The following DAGLA variants were observed in gnomAD, a reference collection of about 807,000 sequenced individuals.
The protein encoded by DAGLA is diacylglycerol lipase-alpha.
A neutral mutation model predicts 102.6 loss-of-function variants in DAGLA; 22 were observed. The ratio of observed to expected loss-of-function variants is 0.21; its 90% confidence interval spans 0.15 to 0.31. The LOEUF is 0.31. Among genes scored for constraint, DAGLA ranks in the 10% least tolerant of loss-of-function variants. The pLI is 1.00. For synonymous variants in DAGLA, 578 were observed against 628.9 expected (o/e 0.92, Z 1.21); for missense variants, 927 against 1,446.6 (o/e 0.64, Z 5.83).
At chr11:61,696,956 C>T (rs924937816) in intron 1 of DAGLA, among the ~76,000 whole-genome samples, 3 of 151,988 alleles carry the variant, frequency 2.0e-5, no homozygotes, top group East Asian at 3.9e-4. Flanking sequence ...ACCTTCCTAT[C>T]GCCAAGGGGA....
intron 15 of DAGLA, 128 bp downstream of exon 15, chr11:61,737,883 C>T (rs963620807): frequency 8.0e-6 from 7 of 873,210 alleles, no homozygotes; most frequent in Admixed American, 6.2e-5. Context: ...CCACGCCCCT[C>T]CCCACCCTTA....
chr11:61,712,343 A>T (rs1158280580), intron 1 of DAGLA, among the ~76,000 whole-genome samples: 1 of 152,196 alleles, frequency 6.6e-6, no homozygotes, highest in Non-Finnish European at 1.5e-5. Flanking sequence ...TGTGGCTGGC[A>T]CATGGTGAGG....
Position 61,684,602 on chromosome 11 carries a change from G to A in DAGLA, c.-45+4098G>A, listed in dbSNP as rs2064971482. 6.6e-6 allele frequency among the ~76,000 whole-genome samples: 1 copy of A among 152,112 alleles called. No individual in the cohort carries two copies. Among genetic ancestry groups the A allele is most frequent in the African/African-American group, 2.4e-5 (1 of 41,402 alleles). ...GGGATTGGTGTGACCACGGGTAAGGGTGTTTTCATGGGGTGTTTGGCAGGA... is the reference window on the plus strand; with the variant it reads ...GGGATTGGTGTGACCACGGGTAAGGATGTTTTCATGGGGTGTTTGGCAGGA... On this transcript the variant is annotated intron_variant, in intron 1 of 19. Transcript: ENST00000257215. This position sits in a 1 kb window ranked among gnomAD's most constrained non-coding sequence, Gnocchi z 4.5.
chr11:61,726,754 C>T (rs2065330564), intron 6 of DAGLA, among the ~76,000 whole-genome samples: 1 of 152,238 alleles, frequency 6.6e-6, no homozygotes, highest in Non-Finnish European at 1.5e-5. Context: ...CCAGTGAGGT[C>T]AGGAGACCAC....
intron 1 of DAGLA, among the ~76,000 whole-genome samples, chr11:61,718,326 T>A (rs532393997): frequency 1.3e-5 from 2 of 152,188 alleles, no homozygotes; most frequent in Non-Finnish European, 1.5e-5. Context: ...TTCATTCTGT[T>A]CCATTCATGT....
At chr11:61,695,479 C>T (rs775894459) in intron 1 of DAGLA, among the ~76,000 whole-genome samples, 1 of 152,204 alleles carries the variant, frequency 6.6e-6, no homozygotes, top group Non-Finnish European at 1.5e-5. Context: ...CACTTCCCAG[C>T]GGGGAGGAGC....
At chr11:61,691,957 A>C (rs931504928) in intron 1 of DAGLA, among the ~76,000 whole-genome samples, 2 of 152,176 alleles carry the variant, frequency 1.3e-5, no homozygotes, top group African/African-American at 4.8e-5. Context: ...TGCTTCTTTG[A>C]TGGGCACACA....
intron 1 of DAGLA, among the ~76,000 whole-genome samples, chr11:61,703,174 A>G (rs369849355): frequency 1.3e-5 from 2 of 152,144 alleles, no homozygotes; most frequent in African/African-American, 4.8e-5. Flanking sequence ...AGCTCCCCCA[A>G]CCTGCCAAAC....
intron 1 of DAGLA, among the ~76,000 whole-genome samples, chr11:61,712,290 C>T (rs550696918): frequency 3.3e-5 from 5 of 152,198 alleles, no homozygotes; most frequent in Non-Finnish European, 7.3e-5. Context: ...CCATGACATG[C>T]GAACAGCTAG....
intron 1 of DAGLA, among the ~76,000 whole-genome samples, chr11:61,696,329 G>T (rs954756578): frequency 6.6e-6 from 1 of 152,142 alleles, no homozygotes; most frequent in African/African-American, 2.4e-5. Flanking sequence ...GCGGGAGAGT[G>T]GGGGTGGAGG....
intron 8 of DAGLA, 125 bp downstream of exon 8, chr11:61,729,133 C>A: frequency 1.2e-6 from 1 of 806,514 alleles, no homozygotes. Context: ...CCGGTCTCCC[C>A]CCGGCTCTCC....
chr11:61,703,426 C>T (rs1415424265), intron 1 of DAGLA, among the ~76,000 whole-genome samples: 2 of 145,824 alleles, frequency 1.4e-5, no homozygotes, highest in African/African-American at 5.2e-5. Flanking sequence ...GAGCCAGCCA[C>T]GCAAAGCTCT....
intron 1 of DAGLA, among the ~76,000 whole-genome samples, chr11:61,705,180 G>A (rs1044085069): frequency 1.3e-5 from 2 of 152,180 alleles, no homozygotes; most frequent in Non-Finnish European, 1.5e-5. Context: ...CCCTCTGCCC[G>A]CCCAATTGCA....
rs988549025 is a variant in DAGLA at position 61,692,838 on chromosome 11, G to A, written c.-45+12334G>A. ...CTCCACAATAATGAGGAAAGATGGC[G>A]GTAGGAAAATGTTTAAGGAGAAGTG... On this transcript the variant is annotated intron_variant, in intron 1 of 19. Coordinates refer to ENST00000257215, the MANE Select transcript of DAGLA (RefSeq NM_006133.3). Among the ~76,000 whole-genome samples the A allele has an allele frequency of 1.1e-4, 16 of 151,662 alleles. 1 individual carries two copies. The highest frequency in any genetic ancestry group is 3.3e-4 in the Admixed American group (5 of 15,230).
rs539380752 is a variant in DAGLA, at chr11:61,734,638, G to A, written c.975-211G>A. Among the ~76,000 whole-genome samples, 2 of 152,304 alleles carry A rather than the reference G, an allele frequency of 1.3e-5. No individual in the cohort carries two copies. The highest frequency in any genetic ancestry group is 4.1e-4 in the South Asian group (2 of 4,826). ...GGTGGGGAGAGGGAAGGGCCCACAG[G>A]GTCAGGTGCCGCCAAGAGCTCAGTT... On this transcript the variant is annotated intron_variant, in intron 9 of 19. Coordinates refer to ENST00000257215, the MANE Select transcript of DAGLA (RefSeq NM_006133.3). The surrounding 1 kb of genome is among the most constrained non-coding windows in gnomAD (Gnocchi z 4.2).
intron 14 of DAGLA, 67 bp downstream of exon 14, chr11:61,737,391 G>A (rs1466224719): frequency 8.1e-6 from 13 of 1,595,244 alleles, no homozygotes; most frequent in Middle Eastern, 1.7e-4. Flanking sequence ...GGGTTGGCTG[G>A]TGCTAGGGGC....
At chr11:61,722,208 G>A (rs1003406765) in intron 3 of DAGLA, among the ~76,000 whole-genome samples, 1 of 152,246 alleles carries the variant, frequency 6.6e-6, no homozygotes, top group Non-Finnish European at 1.5e-5. Flanking sequence ...TACAGATGAG[G>A]AAATGGAGGC....
intron 1 of DAGLA, among the ~76,000 whole-genome samples, chr11:61,700,554 G>A (rs905071983): frequency 1.3e-5 from 2 of 152,210 alleles, no homozygotes; most frequent in African/African-American, 4.8e-5. Context: ...CCTTGAGCCT[G>A]TGATCGTGGT....
rs757500136 is a variant in DAGLA at position 61,736,263 on chromosome 11, C to T, written c.1291-7C>T. 6 of 1,613,668 alleles carry T rather than the reference C, an allele frequency of 3.7e-6. No individual in the cohort carries two copies. In the East Asian group the frequency reaches 1.3e-4, roughly 36 times the overall value. On this transcript the variant is annotated splice_region_variant and splice_polypyrimidine_tract_variant and intron_variant, in intron 12 of 19. Coordinates refer to ENST00000257215, the MANE Select transcript of DAGLA (RefSeq NM_006133.3). ...ACCAACACCTGCTTCTGTTCCTGCC[C>T]ACCCAGGGTATGGTCCTCTCAGCTG...
Sources: gnomAD v4.1 joint callset for allele counts (sites outside exome capture counted in the v4.1 genomes callset) on GRCh38, gnomAD v4.1.1 for gene constraint, Gnocchi (gnomAD v3.1) non-coding constraint, MANE v1.5 for transcripts, NCBI Gene and HGNC (gene_info 2026-07-23, HGNC 2026-07-21) for gene names.